Variants in ANK3 observed in about 807,000 individuals in gnomAD.
The protein encoded by ANK3 is ankyrin 3, also known as ankyrin-3.
In ANK3, 57 loss-of-function variants were observed where a neutral mutation model predicts 370.9. The observed-to-expected ratio is 0.15, with a 90% CI of 0.12 to 0.19. ANK3 has a LOEUF of 0.19. Among genes scored for constraint, ANK3 ranks in the 10% least tolerant of loss-of-function variants. The pLI, the probability that ANK3 is intolerant of heterozygous loss-of-function variation, is 1.00. For synonymous variants in ANK3, 1,929 were observed against 1,946.3 expected, an observed-to-expected ratio of 0.99 and a Z score of 0.23; for missense variants, 4,439 against 5,302.1, an observed-to-expected ratio of 0.84 and a Z score of 5.06.
intron 2 of ANK3, among the ~76,000 whole-genome samples, chr10:60,522,594 C>T (rs2076373595): frequency 1.3e-5 from 2 of 152,046 alleles, no homozygotes; most frequent in South Asian, 2.1e-4. Context: ...GTTCCAGATC[C>T]TCTGGTCCAG....
rs1009410784 is a variant in ANK3, at chr10:60,189,362, G to GAGAGAC, written c.1888-2456_1888-2451dup. Among the ~76,000 whole-genome samples the GAGAGAC allele has an allele frequency of 3.3e-5, 5 of 152,190 alleles. No homozygotes were observed. In the East Asian group the frequency reaches 9.7e-4, roughly 29 times the overall value. On this transcript the variant is annotated intron_variant, in intron 16 of 43. Coordinates refer to ENST00000280772, the MANE Select transcript of ANK3 (RefSeq NM_020987.5). The stretch of plus-strand genomic sequence containing the variant: ...AGAGAGACAGAGAGACAGATACAGG[G>GAGAGAC]AGAGACAGAGACAGAGAGAGAGACA...
intron 35 of ANK3, 150 bp from the exon 36 acceptor site, chr10:60,080,768 C>CT: frequency 1.4e-6 from 1 of 725,556 alleles, no homozygotes; most frequent in East Asian, 2.8e-5. Context: ...GTAACCCCAC[C>CT]CCCCATGTCT....
At chr10:60,315,519 G>C (rs1362065245) in intron 1 of ANK3, among the ~76,000 whole-genome samples, 1 of 152,036 alleles carries the variant, frequency 6.6e-6, no homozygotes, top group Non-Finnish European at 1.5e-5. Context: ...AAACGGTCCA[G>C]AATCACTGAT....
intron 2 of ANK3, among the ~76,000 whole-genome samples, chr10:60,461,625 A>C (rs529198146): frequency 0.011 from 1,616 of 152,270 alleles, 26 homozygotes; most frequent in African/African-American, 0.036. Context: ...AAATTGCAGC[A>C]AAACCATCCT....
intron 1 of ANK3, among the ~76,000 whole-genome samples, chr10:60,376,495 T>C (rs1028343116): frequency 6.6e-6 from 1 of 152,182 alleles, no homozygotes; most frequent in African/African-American, 2.4e-5. Context: ...CTGAAACATG[T>C]TATGTAAAAT....
chr10:60,130,120 A>T (rs1001501278), intron 25 of ANK3, among the ~76,000 whole-genome samples: 2 of 152,224 alleles, frequency 1.3e-5, no homozygotes, highest in Admixed American at 6.5e-5. Flanking sequence ...GTAACAAAAC[A>T]GTCTACTGTT....
chr10:60,157,931 G>T (rs1409322323), intron 23 of ANK3, among the ~76,000 whole-genome samples: 1 of 141,700 alleles, frequency 7.1e-6, no homozygotes, highest in East Asian at 2.5e-4. Context: ...AGAGGCAGCG[G>T]CAGGGAAGGA....
intron 2 of ANK3, among the ~76,000 whole-genome samples, chr10:60,474,696 T>C (rs1398313952): frequency 1.3e-5 from 2 of 152,188 alleles, no homozygotes; most frequent in Non-Finnish European, 2.9e-5. Context: ...GCATTTAGGG[T>C]GTTTTCCAGT....
chr10:60,448,478 T>C (rs1373285760), intron 2 of ANK3, among the ~76,000 whole-genome samples: 1 of 152,262 alleles, frequency 6.6e-6, no homozygotes, highest in Non-Finnish European at 1.5e-5. Context: ...AGATGCATTT[T>C]ACTGACATTT....
At chr10:60,362,272 CTTGT>C (rs1238931813) in intron 1 of ANK3, among the ~76,000 whole-genome samples, 2 of 152,138 alleles carry the variant, frequency 1.3e-5, no homozygotes, top group East Asian at 3.8e-4. Context: ...TCTTTGCACA[CTTGT>C]TTAACTATCT....
intron 21 of ANK3, among the ~76,000 whole-genome samples, chr10:60,169,933 A>C (rs10821691): frequency 0.057 from 8,631 of 152,064 alleles, 449 homozygotes; most frequent in East Asian, 0.23. Context: ...AGGGAGGAGC[A>C]TTTCCTTACT....
chr10:60,691,477 G>A (rs1185680390), intron 1 of ANK3, among the ~76,000 whole-genome samples: 1 of 152,118 alleles, frequency 6.6e-6, no homozygotes, highest in African/African-American at 2.4e-5. Flanking sequence ...AAAGCATTTA[G>A]AATCGTACCA....
At chr10:60,611,190 C>T (rs1031084290) in intron 2 of ANK3, among the ~76,000 whole-genome samples, 1 of 152,150 alleles carries the variant, frequency 6.6e-6, no homozygotes, top group African/African-American at 2.4e-5. Context: ...ATACATCTTC[C>T]TCAAACATCA....
chr10:60,346,496 AT>A (rs1296605462), intron 1 of ANK3, among the ~76,000 whole-genome samples: 2 of 152,074 alleles, frequency 1.3e-5, no homozygotes, highest in Admixed American at 1.3e-4. Flanking sequence ...AAACAATATT[AT>A]TTTTCCTACT....
chr10:60,349,097 T>A (rs1396008359), intron 1 of ANK3, among the ~76,000 whole-genome samples: 2 of 152,024 alleles, frequency 1.3e-5, no homozygotes, highest in Non-Finnish European at 2.9e-5. Context: ...GGGAAGAGCA[T>A]CAGTACCGCC....
rs542773818 is a variant in ANK3 at position 60,462,982 on chromosome 10, C to G, written c.96+152204G>C. 2.0e-4 allele frequency among the ~76,000 whole-genome samples: 31 copies of G among 152,268 alleles called. No homozygotes were observed. In the South Asian group the frequency reaches 5.8e-3, roughly 28 times the overall value. ...TCAGTGACACGATCATGGCTTACTG[C>G]AGCCTTGACCTCCCAGGCTCTGGTG... On this transcript the variant is annotated intron_variant, in intron 2 of 43. Transcript: ENST00000373827.
At chr10:60,432,286 CT>C (rs953701869) in intron 2 of ANK3, among the ~76,000 whole-genome samples, 17 of 152,230 alleles carry the variant, frequency 1.1e-4, no homozygotes, top group African/African-American at 4.1e-4. Flanking sequence ...CTTTTGTTTG[CT>C]TTATATGAAG....
At chr10:60,469,826 C>A (rs900668120) in intron 2 of ANK3, among the ~76,000 whole-genome samples, 6 of 151,190 alleles carry the variant, frequency 4.0e-5, no homozygotes, top group Admixed American at 6.6e-5. Flanking sequence ...CACATCCTTT[C>A]ATTTATCAGA....
intron 2 of ANK3, among the ~76,000 whole-genome samples, chr10:60,566,812 C>T (rs989104211): frequency 2.6e-5 from 4 of 152,152 alleles, no homozygotes; most frequent in Admixed American, 6.5e-5. Context: ...GAGTTTGAGG[C>T]TGTGGTGAGC....
Sources: gnomAD v4.1 joint callset for allele counts (sites outside exome capture counted in the v4.1 genomes callset) on GRCh38, gnomAD v4.1.1 for gene constraint, MANE v1.5 for transcripts, NCBI Gene and HGNC (gene_info 2026-07-23, HGNC 2026-07-21) for gene names.